The following JARID2 variants were observed in gnomAD, a reference collection of about 807,000 sequenced individuals.
JARID2 encodes the protein jumonji and AT-rich interaction domain containing 2, also known as protein Jumonji.
Under a neutral mutation model 125.6 loss-of-function variants are expected in JARID2, and 21 were observed. The observed-to-expected ratio is 0.17, with a 90% confidence interval of 0.12 to 0.24. JARID2 has a LOEUF of 0.24. Among genes scored for constraint, JARID2 ranks in the 10% least tolerant of loss-of-function variants. JARID2 has a pLI of 1.00. For missense variants in JARID2, 1,303 were observed against 1,639.6 expected (o/e 0.79, Z 3.55); for synonymous variants, 736 against 661.6 (o/e 1.11, Z -1.73).
chr6:15,295,108 CT>C (rs57350640), intron 1 of JARID2, among the ~76,000 whole-genome samples: 5,105 of 142,190 alleles, frequency 0.036, 141 homozygotes, highest in South Asian at 0.11. Context: ...TGTGTCATTT[CT>C]TTTTTTTTTC....
intron 1 of JARID2, among the ~76,000 whole-genome samples, chr6:15,315,516 T>C (rs1762149897): frequency 1.3e-5 from 2 of 152,208 alleles, no homozygotes; most frequent in Admixed American, 1.3e-4. Flanking sequence ...AAGTGCTCAG[T>C]CTGCCATTTT....
At chr6:15,509,958 C>T (rs747377837) in intron 12 of JARID2, among the ~76,000 whole-genome samples, 1 of 152,050 alleles carries the variant, frequency 6.6e-6, no homozygotes. Context: ...TTTAAATTAC[C>T]AATCAGTAAC....
intron 5 of JARID2, among the ~76,000 whole-genome samples, chr6:15,471,308 A>C (rs914183691): frequency 1.3e-5 from 2 of 152,208 alleles, no homozygotes; most frequent in Non-Finnish European, 2.9e-5. Flanking sequence ...AAGTTTTTGA[A>C]ATATAATATG....
In JARID2 at chr6:15,496,998, C is replaced by G. The variant is rs138152195; in HGVS notation, c.1773C>G (p.Pro591=). Residue 591 remains proline, a synonymous_variant, in exon 7 of 18, where the codon CCC becomes CCG. Coordinates refer to ENST00000341776, the MANE Select transcript of JARID2 (RefSeq NM_004973.4). ...AGTTCGGGATGTGCAGGGTGATCCC[C>G]CCTCCGGACTGGCGGCCCGAGTGCA... The part of the protein sequence containing the change: ...VEKFGMCRVI[P]PPDWRPECKL... 1 of 1,614,044 alleles carries G rather than the reference C, an allele frequency of 6.2e-7. No individual in the cohort carries two copies. The highest frequency in any genetic ancestry group is 8.5e-7 in the Non-Finnish European group (1 of 1,179,968).
At chr6:15,311,311 C>G (rs955417354) in intron 1 of JARID2, among the ~76,000 whole-genome samples, 12 of 152,198 alleles carry the variant, frequency 7.9e-5, no homozygotes, top group Admixed American at 2.6e-4. Context: ...GGCACGGTGG[C>G]TCATGCCTGT....
At chr6:15,431,974 T>C (rs1293019443) in intron 3 of JARID2, among the ~76,000 whole-genome samples, 1 of 152,214 alleles carries the variant, frequency 6.6e-6, no homozygotes, top group African/African-American at 2.4e-5. Context: ...CTGTGCTCAG[T>C]AGTGCTCCTG....
In JARID2 at chr6:15,322,349, A is replaced by G. The variant is rs149943251; in HGVS notation, c.46-51768A>G. ...GTGACACACTCCTGTAGTCCTAGCT[A>G]CGCAAGCCATATTCACTATTATCAC... On this transcript the variant is annotated intron_variant, in intron 1 of 17. Transcript: ENST00000341776. 2.4e-3 allele frequency among the ~76,000 whole-genome samples: 371 copies of G among 152,282 alleles called. 4 individuals are homozygous for G. Among genetic ancestry groups the G allele is most frequent in the African/African-American group, 8.7e-3 (360 of 41,568 alleles).
intron 2 of JARID2, among the ~76,000 whole-genome samples, chr6:15,409,469 G>A (rs1561843010): frequency 6.6e-6 from 1 of 152,204 alleles, no homozygotes; most frequent in Non-Finnish European, 1.5e-5. Flanking sequence ...AAGGGACTCT[G>A]AGGCTTTGTT....
chr6:15,506,611 C>T (rs1275641114), intron 9 of JARID2, among the ~76,000 whole-genome samples: 2 of 152,192 alleles, frequency 1.3e-5, no homozygotes, highest in African/African-American at 4.8e-5. Context: ...AGGCTTGTCT[C>T]AAGGGAGCCT....
intron 3 of JARID2, among the ~76,000 whole-genome samples, chr6:15,430,529 A>G (rs1766925469): frequency 6.6e-6 from 1 of 152,226 alleles, no homozygotes; most frequent in South Asian, 2.1e-4. Flanking sequence ...TGTTCTGTTG[A>G]GTATATAACA....
At chr6:15,369,727 C>T (rs1006657651) in intron 1 of JARID2, among the ~76,000 whole-genome samples, 3 of 152,188 alleles carry the variant, frequency 2.0e-5, no homozygotes, top group African/African-American at 7.2e-5. Flanking sequence ...GCTGGAAATA[C>T]AGGAGAAAGA....
intron 1 of JARID2, among the ~76,000 whole-genome samples, chr6:15,340,611 A>G (rs1561802358): frequency 6.6e-6 from 1 of 152,200 alleles, no homozygotes; most frequent in Non-Finnish European, 1.5e-5. Flanking sequence ...ATATTGGGGC[A>G]GACTTTTATT....
chr6:15,351,964 A>G (rs1763442907), intron 1 of JARID2, among the ~76,000 whole-genome samples: 2 of 152,210 alleles, frequency 1.3e-5, no homozygotes, highest in South Asian at 2.1e-4. Flanking sequence ...ACTACTGTAC[A>G]TATCCTTTTA....
intron 2 of JARID2, among the ~76,000 whole-genome samples, chr6:15,392,132 C>T (rs1561832830): frequency 6.6e-6 from 1 of 151,630 alleles, no homozygotes; most frequent in East Asian, 1.9e-4. Context: ...TTTAGTGCCA[C>T]TTTGTCCAGA....
intron 2 of JARID2, among the ~76,000 whole-genome samples, chr6:15,400,269 C>T (rs1001793286): frequency 9.9e-5 from 15 of 151,746 alleles, no homozygotes; most frequent in South Asian, 2.1e-4. Context: ...AATGAGGCTC[C>T]GTGGAAGCTG....
intron 5 of JARID2, among the ~76,000 whole-genome samples, chr6:15,471,248 C>G (rs1769062561): frequency 6.6e-6 from 1 of 152,116 alleles, no homozygotes; most frequent in South Asian, 2.1e-4. Context: ...TGAGAATACA[C>G]CAGGAATTTA....
chr6:15,285,985 T>G (rs1259535672), intron 1 of JARID2, among the ~76,000 whole-genome samples: 4 of 152,222 alleles, frequency 2.6e-5, no homozygotes, highest in Non-Finnish European at 5.9e-5. Flanking sequence ...AGTGGGATTA[T>G]TCTTTGTAAC....
intron 1 of JARID2, among the ~76,000 whole-genome samples, chr6:15,266,330 C>T (rs1760081607): frequency 6.6e-6 from 1 of 152,194 alleles, no homozygotes; most frequent in Non-Finnish European, 1.5e-5. Context: ...GAGCAAACAA[C>T]ATAAGTAATA....
In JARID2 at chr6:15,520,687, G is replaced by GCGCA. The variant is rs1400156082; in HGVS notation, c.*438_*441dup. 1 of 403,474 alleles carries GCGCA rather than the reference G, an allele frequency of 2.5e-6. No individual in the cohort carries two copies. The highest frequency in any genetic ancestry group is 7.8e-5 in the East Asian group (1 of 12,836). The allele number at this position is 403,474 out of a possible 1,614,324, so 25.0% of individuals were successfully genotyped here. A position where few individuals can be genotyped will look rare whatever the true frequency, so the allele number is the denominator to read the frequency against. Reference sequence around the variant, plus strand: ...TTTTTAGAAGGGATAGGAGACACACGCGCACACACACACACACACGAAACT... The same window carrying GCGCA: ...TTTTTAGAAGGGATAGGAGACACACGCGCACGCACACACACACACACACGAAACT... On this transcript the variant is annotated 3_prime_UTR_variant, in exon 18 of 18. Coordinates refer to ENST00000341776, the MANE Select transcript of JARID2 (RefSeq NM_004973.4).
Sources: gnomAD v4.1 joint callset for allele counts (sites outside exome capture counted in the v4.1 genomes callset) on GRCh38, gnomAD v4.1.1 for gene constraint, MANE v1.5 for transcripts, NCBI Gene and HGNC (gene_info 2026-07-23, HGNC 2026-07-21) for gene names.